DEPDC5: variants seen among roughly 807,000 people sequenced by gnomAD.
The protein encoded by DEPDC5 is GATOR1 complex protein DEPDC5.
DEPDC5 carries 73 observed loss-of-function variants against 217.3 expected under a neutral mutation model. That is an observed-to-expected ratio of 0.34 (90% CI 0.28 to 0.41). The LOEUF (loss-of-function observed/expected upper bound fraction) is 0.41, where lower values mean the gene tolerates loss of function less well. Ranked by LOEUF, DEPDC5 falls within the 10% of genes least tolerant of loss-of-function variation. The pLI, the probability that DEPDC5 is intolerant of heterozygous loss-of-function variation, is 1.00. For missense variants in DEPDC5, 1,675 were observed against 2,070.1 expected (o/e 0.81, Z 3.70); for synonymous variants, 733 against 756.7 (o/e 0.97, Z 0.51).
intron 7 of DEPDC5, among the ~76,000 whole-genome samples, chr22:31,771,122 A>G (rs761389238): frequency 3.3e-5 from 5 of 152,098 alleles, no homozygotes; most frequent in Non-Finnish European, 7.4e-5. Flanking sequence ...TCCATTGAGG[A>G]TTGTTGTAAG....
rs1337934358 is a variant in DEPDC5, at chr22:31,907,646, C to T, written c.*1149C>T. On this transcript the variant is annotated 3_prime_UTR_variant, in exon 43 of 43. Transcript: ENST00000651528. ...TCAGGCGATCCACCCACCTCAGCCT[C>T]CCAAAGTGCTGGGATTACAGGTGTG... The T allele has an allele frequency of 1.3e-5, 2 of 152,374 alleles. No individual in the cohort carries two copies. The highest frequency in any genetic ancestry group is 1.9e-4 in the East Asian group (1 of 5,198). The allele number at this position is 152,374 out of a possible 1,614,324, so 9.4% of individuals were successfully genotyped here.
At chr22:31,898,796 C>T (rs1004387699) in intron 40 of DEPDC5, among the ~76,000 whole-genome samples, 2 of 152,324 alleles carry the variant, frequency 1.3e-5, no homozygotes, top group African/African-American at 4.8e-5. Context: ...GGGTCCCAAG[C>T]AAGCCCCACA....
intron 38 of DEPDC5, among the ~76,000 whole-genome samples, chr22:31,884,054 G>T (rs182567401): frequency 9.9e-5 from 15 of 152,064 alleles, no homozygotes; most frequent in Admixed American, 6.6e-5. Context: ...TGTAATCATA[G>T]CTTTGAGCTG....
At chr22:31,773,109 T>A (rs1409460645) in intron 7 of DEPDC5, among the ~76,000 whole-genome samples, 2 of 152,148 alleles carry the variant, frequency 1.3e-5, no homozygotes, top group Non-Finnish European at 2.9e-5. Context: ...AGTTCTTTGT[T>A]TCTCTATGTA....
At chr22:31,882,277 CTA>C (rs2093197445) in intron 38 of DEPDC5, among the ~76,000 whole-genome samples, 1 of 152,126 alleles carries the variant, frequency 6.6e-6, no homozygotes, top group Non-Finnish European at 1.5e-5. Flanking sequence ...GAACAAGGAA[CTA>C]AGCCTGAAAG....
In DEPDC5 at chr22:31,815,184, C is replaced by A. The variant is rs750489752; in HGVS notation, c.1638C>A (p.Ser546Arg). ...PHPHLHQYEV[S>R]SSLGYTSTRD... ...CCCACCTGCACCAGTATGAAGTCAG[C>A]AGCTCCTTGGGATACACCAGCACTC... Residue 546 changes from serine (S) to arginine (R), a missense_variant, in exon 21 of 43, where the codon AGC (serine) becomes AGA (arginine). By Grantham distance (110) the Ser-to-Arg change is moderately radical (BLOSUM62 -1). Transcript: ENST00000651528. The A allele has an allele frequency of 6.2e-7, 1 of 1,614,182 alleles. No homozygotes were observed.
chr22:31,887,095 A>G lies in DEPDC5; in HGVS notation c.4034-6487A>G, dbSNP rs77474720. ...GAGATTCCATCTCGAAAAAAAAAAA[A>G]AGAGAGAGAGAGAGAAGCAGTATAT... On this transcript the variant is annotated intron_variant, in intron 38 of 42. Transcript: ENST00000651528. Among the ~76,000 whole-genome samples, 7 of 150,194 alleles carry G rather than the reference A, an allele frequency of 4.7e-5. No homozygotes were observed. The South Asian group carries it at 6.3e-4, about 14-fold the overall frequency.
intron 20 of DEPDC5, 63 bp downstream of exon 20, chr22:31,810,704 T>C (rs564743456): frequency 4.4e-6 from 7 of 1,601,050 alleles, no homozygotes; most frequent in Admixed American, 1.8e-5. Flanking sequence ...TGAAGTTCAG[T>C]AGTGACCTCT....
intron 22 of DEPDC5, 79 bp from the exon 23 acceptor site, chr22:31,821,423 A>G: frequency 1.3e-6 from 2 of 1,571,240 alleles, no homozygotes; most frequent in Non-Finnish European, 8.7e-7. Flanking sequence ...CAGTAGCTGG[A>G]AAGAAGGGAG....
At chr22:31,897,915 G>T (rs891121002) in intron 40 of DEPDC5, among the ~76,000 whole-genome samples, 1 of 152,130 alleles carries the variant, frequency 6.6e-6, no homozygotes, top group Non-Finnish European at 1.5e-5. Flanking sequence ...GCAAAGTGGT[G>T]GGTGGGAGAG....
intron 33 of DEPDC5, among the ~76,000 whole-genome samples, chr22:31,863,226 G>A (rs941373823): frequency 2.0e-5 from 3 of 152,168 alleles, no homozygotes; most frequent in Non-Finnish European, 4.4e-5. Flanking sequence ...GAGTGCAGTG[G>A]TTCAATGTCA....
chr22:31,823,715 T>C (rs1205120539), intron 24 of DEPDC5, among the ~76,000 whole-genome samples: 1 of 152,146 alleles, frequency 6.6e-6, no homozygotes, highest in Non-Finnish European at 1.5e-5. Context: ...TATTGTCTTA[T>C]CACCCCAGTG....
At position 31,783,274 on chromosome 22, in the gene DEPDC5, C is replaced by T. The variant is rs553766527; in HGVS notation, c.484-633C>T. ...TCCACATGGAAGCCTTGTTCTTTTGCTCTTCACAATATATCTTGCTGCTGC... is the reference window on the plus strand; with the variant it reads ...TCCACATGGAAGCCTTGTTCTTTTGTTCTTCACAATATATCTTGCTGCTGC... On this transcript the variant is annotated intron_variant, in intron 8 of 42. Coordinates refer to ENST00000651528, the MANE Select transcript of DEPDC5 (RefSeq NM_001242896.3). Among the ~76,000 whole-genome samples, 37 of 152,274 alleles carry T rather than the reference C, an allele frequency of 2.4e-4. No individual in the cohort carries two copies. In the South Asian group the frequency reaches 6.0e-3, roughly 25 times the overall value.
Position 31,906,731 on chromosome 22 carries a change from G to A in DEPDC5, c.*234G>A. 1.7e-6 allele frequency: 1 copy of A among 602,374 alleles called. No homozygotes were observed. The highest frequency in any genetic ancestry group is 2.9e-6 in the Non-Finnish European group (1 of 344,618). The allele number at this position is 602,374 out of a possible 1,614,324, so 37.3% of individuals were successfully genotyped here. ...AGCTGCTGCTGCTGCCACCACTCCT[G>A]TCAGCAAGTGCTCAGAGCAGGTGGG... On this transcript the variant is annotated 3_prime_UTR_variant, in exon 43 of 43. Coordinates refer to ENST00000651528, the MANE Select transcript of DEPDC5 (RefSeq NM_001242896.3). The surrounding 1 kb of genome is among the most constrained non-coding windows in gnomAD (Gnocchi z 5.1).
chr22:31,853,844 T>C (rs1602436646), intron 31 of DEPDC5, among the ~76,000 whole-genome samples: 1 of 152,282 alleles, frequency 6.6e-6, no homozygotes, highest in East Asian at 1.9e-4. Context: ...CCAAAGCAGA[T>C]GGACATTCAT....
At position 31,865,015 on chromosome 22, in the gene DEPDC5, G is replaced by A. The variant is rs540160061; in HGVS notation, c.3330+3582G>A. ...CTAATTTTGTAGTTTTAGTAGAGAC[G>A]GGGTTTTGCTATGTTGGCCACGCTG... is the stretch of plus-strand genomic sequence containing the variant. On this transcript the variant is annotated intron_variant, in intron 33 of 42. Coordinates refer to ENST00000651528, the MANE Select transcript of DEPDC5 (RefSeq NM_001242896.3). Among the ~76,000 whole-genome samples, 81 of 140,886 alleles carry A rather than the reference G, an allele frequency of 5.7e-4. 1 individual carries two copies. The highest frequency in any genetic ancestry group is 5.7e-4 in the Non-Finnish European group (39 of 67,926). The allele number at this position is 140,886 out of a possible 152,430, so 92.4% of individuals were successfully genotyped here.
chr22:31,783,356 C>A (rs1464525644), intron 8 of DEPDC5, among the ~76,000 whole-genome samples: 3 of 152,130 alleles, frequency 2.0e-5, no homozygotes, highest in Non-Finnish European at 4.4e-5. Context: ...TAACACTCAC[C>A]ATGAAGGTCC....
intron 10 of DEPDC5, among the ~76,000 whole-genome samples, chr22:31,790,645 A>G (rs1002450267): frequency 3.3e-5 from 5 of 151,856 alleles, no homozygotes; most frequent in Non-Finnish European, 7.4e-5. Context: ...TAGGCCTGGC[A>G]TTGTGGCTCA....
chr22:31,809,204 G>T (rs1476338394), intron 18 of DEPDC5, among the ~76,000 whole-genome samples: 1 of 152,222 alleles, frequency 6.6e-6, no homozygotes, highest in Non-Finnish European at 1.5e-5. Flanking sequence ...TCTGGTAGGT[G>T]TAGGCAGACA....
Sources: gnomAD v4.1 joint callset for allele counts (sites outside exome capture counted in the v4.1 genomes callset) on GRCh38, gnomAD v4.1.1 for gene constraint, Gnocchi (gnomAD v3.1) non-coding constraint, MANE v1.5 for transcripts, NCBI Gene and HGNC (gene_info 2026-07-23, HGNC 2026-07-21) for gene names.